ADAMTSL1: variants seen among roughly 807,000 people sequenced by gnomAD.
ADAMTSL1 encodes ADAMTS-like protein 1.
A neutral mutation model predicts 201.8 loss-of-function variants in ADAMTSL1; 126 were observed. The ratio of observed to expected loss-of-function variants is 0.62; its 90% confidence interval spans 0.54 to 0.72. ADAMTSL1 has a LOEUF of 0.72. Ranked by LOEUF, ADAMTSL1 falls within the 30% of genes least tolerant of loss-of-function variation. The probability of loss-of-function intolerance (pLI) is 0.00; values close to 1 mark genes in which losing one functional copy is unlikely to be tolerated. For synonymous variants in ADAMTSL1, 1,121 were observed against 903.4 expected (o/e 1.24, Z -4.32); for missense variants, 2,679 against 2,277.8 (o/e 1.18, Z -3.59).
chr9:18,119,137 T>C (rs1163925393), intron 1 of ADAMTSL1, among the ~76,000 whole-genome samples: 2 of 152,146 alleles, frequency 1.3e-5, no homozygotes, highest in Non-Finnish European at 2.9e-5. Context: ...TGAACTAATA[T>C]TTTAAAATGG....
At chr9:18,715,929 G>A (rs1398006698) in intron 14 of ADAMTSL1, among the ~76,000 whole-genome samples, 8 of 151,514 alleles carry the variant, frequency 5.3e-5, no homozygotes, top group African/African-American at 7.3e-5. Flanking sequence ...CAGAAATAAC[G>A]CCGCATATCT....
rs745800286 is a variant in ADAMTSL1 at position 18,574,181 on chromosome 9, T to C, written c.389T>C (p.Leu130Pro). 6.2e-7 allele frequency: 1 copy of C among 1,614,158 alleles called. No homozygotes were observed. ...AAGTGCCAAGCCAAAGGAACAACCC[T>C]GGTTGTTGAACTAGCACCTAAGGTC... is the stretch of plus-strand genomic sequence containing the variant. ...SLKCQAKGTT[L>P]VVELAPKVLD... Residue 130 changes from leucine to proline, a missense_variant, in exon 4 of 29, where the codon CTG (leucine) becomes CCG (proline). Physicochemically the swap from Leu to Pro is moderately conservative, Grantham distance 98 (BLOSUM62 -3). Coordinates refer to ENST00000380548, the MANE Select transcript of ADAMTSL1 (RefSeq NM_001040272.6).
At chr9:18,756,076 A>AATATATATATATATATATATATATAT (rs55717414) in intron 16 of ADAMTSL1, among the ~76,000 whole-genome samples, 3 of 80,698 alleles carry the variant, frequency 3.7e-5, no homozygotes, top group Non-Finnish European at 7.9e-5. Context: ...CTCTACTGAA[A>AATATATATATATATATATATATATAT]ATATATATAT....
At chr9:18,387,240 A>C (rs1837834017) in intron 2 of ADAMTSL1, among the ~76,000 whole-genome samples, 1 of 152,142 alleles carries the variant, frequency 6.6e-6, no homozygotes, top group South Asian at 2.1e-4. Flanking sequence ...AATGTGAAGA[A>C]AACATATAAG....
chr9:18,785,410 T>A (rs1225987342), intron 19 of ADAMTSL1, among the ~76,000 whole-genome samples: 2 of 152,214 alleles, frequency 1.3e-5, no homozygotes, highest in African/African-American at 4.8e-5. Flanking sequence ...TTTCTTCTAC[T>A]GATAGCGCTA....
At chr9:18,879,770 A>T (rs930217811) in intron 23 of ADAMTSL1, among the ~76,000 whole-genome samples, 1 of 152,246 alleles carries the variant, frequency 6.6e-6, no homozygotes, top group African/African-American at 2.4e-5. Flanking sequence ...TTTTTAAAAG[A>T]CAACAACAAT....
In ADAMTSL1 at chr9:18,112,678, T is replaced by G. The variant is rs533262846; in HGVS notation, c.88-51184T>G. Among the ~76,000 whole-genome samples, 55 of 152,210 alleles carry G rather than the reference T, an allele frequency of 3.6e-4. No homozygotes were observed. In the South Asian group the frequency reaches 5.8e-3, roughly 16 times the overall value. ...TAACAGAAGTGTGCATACATAGTAG[T>G]AGGAGACAGTTGCACAATACACAGC... On this transcript the variant is annotated intron_variant, in intron 1 of 29. Transcript: ENST00000680146.
Position 18,908,989 on chromosome 9 carries a change from C to T in ADAMTSL1, c.*441C>T, listed in dbSNP as rs928052974. 1 of 162,580 alleles carries T rather than the reference C, an allele frequency of 6.2e-6. No homozygotes were observed. Among genetic ancestry groups the T allele is most frequent in the Admixed American group, 5.7e-5 (1 of 17,614 alleles). 10.1% of individuals were successfully genotyped at this position (162,580 alleles called of 1,614,324 possible). A position where few individuals can be genotyped will look rare whatever the true frequency, so the allele number is the denominator to read the frequency against. Reference sequence around the variant, plus strand: ...CTATCACAAACACAGGAGTGTTTTGCTCCTTTGTCTCCTCTTCCCCATCTA... The same window carrying T: ...CTATCACAAACACAGGAGTGTTTTGTTCCTTTGTCTCCTCTTCCCCATCTA... On this transcript the variant is annotated 3_prime_UTR_variant, in exon 29 of 29. Coordinates refer to ENST00000380548, the MANE Select transcript of ADAMTSL1 (RefSeq NM_001040272.6).
rs1476845022 is a variant in ADAMTSL1 at position 18,777,590 on chromosome 9, A to G, written c.3361A>G (p.Lys1121Glu). 1 of 1,612,362 alleles carries G rather than the reference A, an allele frequency of 6.2e-7. No individual in the cohort carries two copies. Residue 1121 changes from lysine to glutamate, a missense_variant, in exon 19 of 29, where the codon AAG becomes GAG. Lys to Glu is a moderately conservative substitution (Grantham distance 56, BLOSUM62 1). Coordinates refer to ENST00000380548, the MANE Select transcript of ADAMTSL1 (RefSeq NM_001040272.6). ...CCTGGAGCACCAGGACACGCTCCTG[A>G]AGCCCTCGGAGCGCAGGACTTCCCC... is the stretch of plus-strand genomic sequence containing the variant. The part of the protein sequence containing the change: ...SHLEHQDTLL[K>E]PSERRTSPVT...
At chr9:18,017,351 G>A (rs554833289) in intron 1 of ADAMTSL1, among the ~76,000 whole-genome samples, 2 of 152,038 alleles carry the variant, frequency 1.3e-5, no homozygotes, top group East Asian at 3.9e-4. Flanking sequence ...ATCCAGCAGG[G>A]GGAGTATCCT....
chr9:18,589,245 C>A (rs1823752269), intron 4 of ADAMTSL1, among the ~76,000 whole-genome samples: 1 of 152,104 alleles, frequency 6.6e-6, no homozygotes, highest in South Asian at 2.1e-4. Flanking sequence ...GTGGCCTCTT[C>A]AATTTCTGTC....
rs114973860 is a variant in ADAMTSL1 at position 17,964,779 on chromosome 9, C to G, written c.87+57857C>G. On this transcript the variant is annotated intron_variant, in intron 1 of 29. Coordinates refer to the ADAMTSL1 transcript ENST00000680146. ...ACATGTGAATCCACAGTGATCTAAA[C>G]ATTAAAGAAGTTTTATTTCGTGGCT... 2.0e-5 allele frequency among the ~76,000 whole-genome samples: 3 copies of G among 152,292 alleles called. No homozygotes were observed. The East Asian group carries it at 5.8e-4, about 29-fold the overall frequency.
At chr9:18,447,845 A>G (rs576411382) in intron 2 of ADAMTSL1, among the ~76,000 whole-genome samples, 7 of 152,332 alleles carry the variant, frequency 4.6e-5, no homozygotes, top group South Asian at 4.1e-4. Context: ...CTTTGAATGC[A>G]GAAGAGCCCA....
chr9:17,907,289 C>A (rs1161016466), intron 1 of ADAMTSL1, among the ~76,000 whole-genome samples: 2 of 152,190 alleles, frequency 1.3e-5, no homozygotes, highest in Non-Finnish European at 2.9e-5. Flanking sequence ...CTTCGCGGAG[C>A]CCCCTCTCTC....
At chr9:18,472,118 A>T (rs1274313167), upstream of ADAMTSL1, among the ~76,000 whole-genome samples, 1 of 152,232 alleles carries the variant, frequency 6.6e-6, no homozygotes, top group African/African-American at 2.4e-5. Flanking sequence ...GAACTAGCTG[A>T]AACTCTTCAG....
intron 2 of ADAMTSL1, among the ~76,000 whole-genome samples, chr9:18,198,679 AC>A (rs1335631430): frequency 8.5e-5 from 9 of 106,092 alleles, no homozygotes; most frequent in African/African-American, 2.8e-4. Flanking sequence ...AACTAGTTCA[AC>A]CATTGTGGAA....
intron 2 of ADAMTSL1, among the ~76,000 whole-genome samples, chr9:18,186,599 T>G (rs905385336): frequency 6.6e-6 from 1 of 152,192 alleles, no homozygotes; most frequent in African/African-American, 2.4e-5. Flanking sequence ...AAAAAAATTA[T>G]TGCAATATAT....
chr9:18,607,572 TTTA>T (rs59454405), intron 4 of ADAMTSL1, among the ~76,000 whole-genome samples: 84 of 140,466 alleles, frequency 6.0e-4, no homozygotes, highest in Middle Eastern at 7.2e-3. Flanking sequence ...CATAATTTCT[TTTA>T]TTATTATTAT....
chr9:18,792,388 C>T (rs1045271002), intron 19 of ADAMTSL1, among the ~76,000 whole-genome samples: 12 of 152,150 alleles, frequency 7.9e-5, no homozygotes, highest in African/African-American at 2.4e-4. Flanking sequence ...ATGGCCATTA[C>T]TTAAATCATA....
Sources: allele counts gnomAD v4.1 joint callset (sites outside exome capture counted in the v4.1 genomes callset), GRCh38; gene constraint gnomAD v4.1.1; transcripts MANE v1.5; gene names NCBI Gene and HGNC (gene_info 2026-07-23, HGNC 2026-07-21).